The following SETD3 variants were observed in gnomAD, a reference collection of about 807,000 sequenced individuals.
The protein encoded by SETD3 is SET domain containing 3, actin N3(tau)-histidine methyltransferase, also known as actin-histidine N-methyltransferase.
A neutral mutation model predicts 63.0 loss-of-function variants in SETD3; 19 were observed. The ratio of observed to expected loss-of-function variants is 0.30; its 90% CI spans 0.21 to 0.44. The LOEUF (loss-of-function observed/expected upper bound fraction) is 0.44, where lower values mean the gene tolerates loss of function less well. Among genes scored for constraint, SETD3 ranks in the 20% least tolerant of loss-of-function variants. SETD3 has a pLI of 1.00. For synonymous variants in SETD3, 286 were observed against 264.1 expected (o/e 1.08, Z -0.80); for missense variants, 587 against 728.5 (o/e 0.81, Z 2.24).
chr14:99,431,987 A>T (rs538992709), intron 6 of SETD3, among the ~76,000 whole-genome samples: 2 of 152,146 alleles, frequency 1.3e-5, no homozygotes, highest in African/African-American at 4.8e-5. Context: ...TCATAACACC[A>T]CTTTTTCATC....
chr14:99,409,011 G>A (rs943736124), intron 8 of SETD3, among the ~76,000 whole-genome samples: 5 of 152,158 alleles, frequency 3.3e-5, no homozygotes, highest in Admixed American at 6.5e-5. Context: ...CCAGAAATCT[G>A]CAGACGCTGA....
At chr14:99,409,772 A>T (rs1566875820) in intron 8 of SETD3, 1 of 152,938 alleles carries the variant, frequency 6.5e-6, no homozygotes. Flanking sequence ...TTTGGAAAAT[A>T]TTTTTTAAAA....
In SETD3 at chr14:99,406,669, C is replaced by A. The variant is rs987686978; in HGVS notation, c.850-79G>T. ...ACTTAATCTACAAGCTTGTTTCTGGCAATCAGAGGAAAAAGGGGATCCCAA... is the reference window on the plus strand; with the variant it reads ...ACTTAATCTACAAGCTTGTTTCTGGAAATCAGAGGAAAAAGGGGATCCCAA... On this transcript the variant is annotated intron_variant, in intron 8 of 12. Transcript: ENST00000331768. The A allele has an allele frequency of 4.2e-6, 6 of 1,417,586 alleles. No individual in the cohort carries two copies. In the Admixed American group the frequency reaches 5.4e-5, roughly 13 times the overall value. The allele number at this position is 1,417,586 out of a possible 1,614,324, so 87.8% of individuals were successfully genotyped here.
chr14:99,415,772 G>T (rs1248217325), intron 6 of SETD3, among the ~76,000 whole-genome samples: 1 of 152,186 alleles, frequency 6.6e-6, no homozygotes, highest in Non-Finnish European at 1.5e-5. Flanking sequence ...AAAAGATTCT[G>T]CCACTGACAC....
intron 1 of SETD3, among the ~76,000 whole-genome samples, chr14:99,473,714 T>C (rs953492666): frequency 5.9e-5 from 9 of 152,170 alleles, no homozygotes; most frequent in African/African-American, 2.2e-4. Context: ...AAATACTCTT[T>C]TCTCACTCTT....
At chr14:99,437,110 T>C (rs1436163755) in intron 6 of SETD3, among the ~76,000 whole-genome samples, 1 of 152,284 alleles carries the variant, frequency 6.6e-6, no homozygotes, top group African/African-American at 2.4e-5. Context: ...GGCCAGCAAA[T>C]AGGCCTCAAT....
chr14:99,465,225 G>C (rs1402899301), intron 2 of SETD3, among the ~76,000 whole-genome samples: 1 of 152,198 alleles, frequency 6.6e-6, no homozygotes, highest in Non-Finnish European at 1.5e-5. Context: ...TGAAGGCCAG[G>C]TCTCCAAGAG....
At chr14:99,452,287 A>G (rs941797946) in intron 6 of SETD3, among the ~76,000 whole-genome samples, 5 of 152,178 alleles carry the variant, frequency 3.3e-5, no homozygotes, top group African/African-American at 4.8e-5. Flanking sequence ...TTGTATTCTC[A>G]GTAGAGACGA....
intron 6 of SETD3, among the ~76,000 whole-genome samples, chr14:99,422,345 G>T (rs1282732364): frequency 6.6e-6 from 1 of 152,150 alleles, no homozygotes; most frequent in Non-Finnish European, 1.5e-5. Context: ...ACACCCCACA[G>T]CTTTGCCAAT....
chr14:99,413,953 A>G lies in SETD3; in HGVS notation c.676-19T>C, dbSNP rs1250117727. The G allele has an allele frequency of 6.2e-7, 1 of 1,608,728 alleles. No homozygotes were observed. Among genetic ancestry groups the G allele is most frequent in the Admixed American group, 1.7e-5 (1 of 60,006 alleles). ...GATGGGTCTGGGAATTAGAAGTTTT[A>G]GAAAGCAGAGGTGAAAAGAGAAAAA... On this transcript the variant is annotated intron_variant, in intron 6 of 12. Transcript: ENST00000331768.
chr14:99,480,609 G>C (rs1473461684), intron 1 of SETD3, 119 bp downstream of exon 1: 1 of 150,766 alleles, frequency 6.6e-6, no homozygotes, highest in Admixed American at 6.6e-5. Context: ...CGGGGGCGCG[G>C]GCCGGACTTC....
intron 6 of SETD3, among the ~76,000 whole-genome samples, chr14:99,415,942 C>T (rs995583933): frequency 2.6e-5 from 4 of 152,214 alleles, no homozygotes; most frequent in African/African-American, 9.6e-5. Context: ...CAGGGCAAGG[C>T]CTTTAAAGCA....
chr14:99,412,147 A>G (rs747927410), intron 8 of SETD3: 6 of 152,282 alleles, frequency 3.9e-5, no homozygotes, highest in Non-Finnish European at 7.3e-5. Flanking sequence ...ATGATCTGAA[A>G]TGTATCTTAT....
chr14:99,406,915 C>T (rs530291183), intron 8 of SETD3, among the ~76,000 whole-genome samples: 1 of 152,276 alleles, frequency 6.6e-6, no homozygotes, highest in South Asian at 2.1e-4. Context: ...GGCAGTGAGC[C>T]CACAGGCCAC....
chr14:99,469,281 G>A (rs368835174), intron 1 of SETD3, among the ~76,000 whole-genome samples: 14 of 152,118 alleles, frequency 9.2e-5, no homozygotes, highest in African/African-American at 9.7e-5. Context: ...ATGCTAGAAC[G>A]CAATCTTCAA....
At chr14:99,431,810 AGCAACTGAT>A (rs780295901) in intron 6 of SETD3, among the ~76,000 whole-genome samples, 1 of 152,148 alleles carries the variant, frequency 6.6e-6, no homozygotes, top group Non-Finnish European at 1.5e-5. Flanking sequence ...CTAAACCTAG[AGCAACTGAT>A]CCCCTTGCCA....
intron 11 of SETD3, among the ~76,000 whole-genome samples, chr14:99,402,424 CGTTT>C (rs1025384826): frequency 9.9e-5 from 15 of 152,090 alleles, no homozygotes; most frequent in Admixed American, 4.6e-4. Context: ...TTAGTTTGTT[CGTTT>C]GTTTGTTTGT....
intron 6 of SETD3, among the ~76,000 whole-genome samples, chr14:99,435,214 T>G (rs911357376): frequency 1.7e-5 from 2 of 120,644 alleles, no homozygotes; most frequent in African/African-American, 6.9e-5. Flanking sequence ...TAATGCTCAA[T>G]GTTTGGAAGC....
chr14:99,419,540 C>T (rs1023283788), intron 6 of SETD3, among the ~76,000 whole-genome samples: 1 of 152,120 alleles, frequency 6.6e-6, no homozygotes, highest in South Asian at 2.1e-4. Flanking sequence ...CTTTGGGAGG[C>T]CGAAGCGGGC....
Sources: gnomAD v4.1 joint callset for allele counts (sites outside exome capture counted in the v4.1 genomes callset) on GRCh38, gnomAD v4.1.1 for gene constraint, MANE v1.5 for transcripts, NCBI Gene and HGNC (gene_info 2026-07-23, HGNC 2026-07-21) for gene names.